Variants in STK32B observed in about 807,000 individuals in gnomAD.
STK32B encodes the protein serine/threonine-protein kinase 32B.
STK32B carries 43 observed loss-of-function variants against 52.6 expected under a neutral mutation model. That is an observed-to-expected ratio of 0.82 (90% CI 0.64 to 1.05). STK32B has a LOEUF of 1.05. Among genes scored for constraint, STK32B ranks in the 50% least tolerant of loss-of-function variants. STK32B has a pLI of 0.00. For synonymous variants in STK32B, 238 were observed against 204.3 expected (o/e 1.17, Z -1.41); for missense variants, 621 against 534.6 (o/e 1.16, Z -1.59).
the STK32B span, among the ~76,000 whole-genome samples, chr4:5,045,331 G>A: frequency 6.6e-6 from 1 of 152,202 alleles, no homozygotes; most frequent in Admixed American, 6.5e-5. Flanking sequence ...TTTGGCACTG[G>A]CTGCTTCCTC....
chr4:5,457,045 G>T (rs1391231185), intron 8 of STK32B, 122 bp downstream of exon 8: 2 of 678,908 alleles, frequency 2.9e-6, no homozygotes, highest in Admixed American at 7.0e-5. Context: ...GATCAAATCA[G>T]CTGCGCTCAA....
intron 5 of STK32B, 34 bp from the exon 6 acceptor site, chr4:5,416,811 A>G: frequency 6.3e-7 from 1 of 1,599,908 alleles, no homozygotes; most frequent in South Asian, 1.1e-5. Context: ...CCTGCAGCCC[A>G]CGCTAACTGG....
intron 1 of STK32B, among the ~76,000 whole-genome samples, chr4:5,131,018 G>A (rs927765671): frequency 5.9e-5 from 9 of 152,202 alleles, no homozygotes; most frequent in East Asian, 1.9e-4. Context: ...TGACTCTGCC[G>A]CTGCACCCGT....
intron 3 of STK32B, among the ~76,000 whole-genome samples, chr4:5,330,685 T>A (rs1305739768): frequency 6.6e-6 from 1 of 152,184 alleles, no homozygotes; most frequent in African/African-American, 2.4e-5. Flanking sequence ...GTGGCTTGCA[T>A]CTGGCTGGGT....
At chr4:5,366,286 G>T (rs959630529) in intron 4 of STK32B, among the ~76,000 whole-genome samples, 1 of 152,188 alleles carries the variant, frequency 6.6e-6, no homozygotes, top group East Asian at 1.9e-4. Context: ...TGAGACTTGG[G>T]TGTGTTCCTT....
chr4:5,207,941 C>G (rs1357470219), intron 3 of STK32B, among the ~76,000 whole-genome samples: 1 of 151,976 alleles, frequency 6.6e-6, no homozygotes, highest in Admixed American at 6.6e-5. Flanking sequence ...TACATTTATT[C>G]ACAAAGGAAA....
chr4:5,438,805 A>G (rs1431363846), intron 6 of STK32B, among the ~76,000 whole-genome samples: 2 of 152,014 alleles, frequency 1.3e-5, no homozygotes, highest in Non-Finnish European at 2.9e-5. Flanking sequence ...TCCTGTGTCC[A>G]TGTGATCTCA....
chr4:5,341,130 A>G (rs777453018), intron 4 of STK32B, among the ~76,000 whole-genome samples: 8 of 152,208 alleles, frequency 5.3e-5, no homozygotes, highest in Admixed American at 2.0e-4. Flanking sequence ...ATATATTAAC[A>G]TACAAATGAG....
At chr4:5,280,682 G>A (rs940473490) in intron 3 of STK32B, among the ~76,000 whole-genome samples, 1 of 152,054 alleles carries the variant, frequency 6.6e-6, no homozygotes, top group Non-Finnish European at 1.5e-5. Flanking sequence ...GTCACTTGAG[G>A]TCAGGAGTTC....
intron 2 of STK32B, among the ~76,000 whole-genome samples, chr4:5,158,926 T>C (rs1283604018): frequency 6.6e-5 from 10 of 152,140 alleles, no homozygotes; most frequent in Admixed American, 3.3e-4. Context: ...AGCATATGAA[T>C]TTGGGGGACA....
chr4:5,131,497 A>C (rs1238076394), intron 1 of STK32B, among the ~76,000 whole-genome samples: 1 of 152,150 alleles, frequency 6.6e-6, no homozygotes, highest in Non-Finnish European at 1.5e-5. Flanking sequence ...ATCATGTTTG[A>C]AAAACTTCCT....
chr4:5,174,711 C>G (rs954970445), intron 3 of STK32B, among the ~76,000 whole-genome samples: 3 of 152,174 alleles, frequency 2.0e-5, no homozygotes, highest in Admixed American at 2.0e-4. Flanking sequence ...GTAACCCGAC[C>G]TTTCTCTCTG....
intron 6 of STK32B, among the ~76,000 whole-genome samples, chr4:5,440,791 T>C (rs4473605): frequency 0.17 from 25,291 of 152,062 alleles, 2,352 homozygotes; most frequent in East Asian, 0.34. Context: ...CATTACCTAA[T>C]TTATTGAGAG....
chr4:5,485,764 T>A (rs1266750109), intron 11 of STK32B, among the ~76,000 whole-genome samples: 1 of 152,192 alleles, frequency 6.6e-6, no homozygotes, highest in Non-Finnish European at 1.5e-5. Flanking sequence ...GATGGGGTTT[T>A]GGTGTGGATG....
At chr4:5,212,490 C>T (rs745865228) in intron 3 of STK32B, among the ~76,000 whole-genome samples, 1 of 152,172 alleles carries the variant, frequency 6.6e-6, no homozygotes, top group African/African-American at 2.4e-5. Context: ...GTACGAAAAC[C>T]GGAGATAAAC....
At chr4:5,422,759 AAGG>A (rs1218233512) in intron 6 of STK32B, among the ~76,000 whole-genome samples, 1 of 152,154 alleles carries the variant, frequency 6.6e-6, no homozygotes, top group Non-Finnish European at 1.5e-5. Flanking sequence ...GGGCACAGTC[AAGG>A]AGGACGATGG....
chr4:5,190,484 C>T lies in STK32B; in HGVS notation c.260+22034C>T, dbSNP rs1001269896. Among the ~76,000 whole-genome samples, 3 of 152,098 alleles carry T rather than the reference C, an allele frequency of 2.0e-5. No individual in the cohort carries two copies. The South Asian group carries it at 6.2e-4, about 32-fold the overall frequency. ...ATCAGAGTGCCCTGTGCCAGGACACCACACTGCATTTGGTGTCATGGGTTC... is the reference window on the plus strand; with the variant it reads ...ATCAGAGTGCCCTGTGCCAGGACACTACACTGCATTTGGTGTCATGGGTTC... On this transcript the variant is annotated intron_variant, in intron 3 of 11. Coordinates refer to ENST00000282908, the MANE Select transcript of STK32B (RefSeq NM_018401.3).
chr4:5,225,507 C>T (rs908274784), intron 3 of STK32B, among the ~76,000 whole-genome samples: 15 of 152,160 alleles, frequency 9.9e-5, no homozygotes, highest in African/African-American at 3.4e-4. Flanking sequence ...CCCTTATCAG[C>T]AGTTTCACTT....
At chr4:5,081,899 A>C (rs144878075) in intron 1 of STK32B, among the ~76,000 whole-genome samples, 1 of 152,296 alleles carries the variant, frequency 6.6e-6, no homozygotes, top group East Asian at 1.9e-4. Flanking sequence ...GGGGTTGGTT[A>C]ATGGAAAATT....
Sources: allele counts gnomAD v4.1 joint callset (sites outside exome capture counted in the v4.1 genomes callset), GRCh38; gene constraint gnomAD v4.1.1; transcripts MANE v1.5; gene names NCBI Gene and HGNC (gene_info 2026-07-23, HGNC 2026-07-21).